Variants in CBARP observed in about 807,000 individuals in gnomAD.
CBARP encodes CACN subunit beta associated regulatory protein.
Under a neutral mutation model 36.3 loss-of-function variants are expected in CBARP, and 24 were observed. The ratio of observed to expected loss-of-function variants is 0.66; its 90% CI spans 0.48 to 0.93. The LOEUF is 0.93. Among genes scored for constraint, CBARP ranks in the 40% least tolerant of loss-of-function variants. CBARP has a pLI of 0.00. For missense variants in CBARP, 1,146 were observed against 980.4 expected, an observed-to-expected ratio of 1.17 and a Z score of -2.26; for synonymous variants, 586 against 453.2, an observed-to-expected ratio of 1.29 and a Z score of -3.72.
In CBARP at chr19:1,234,684, G is replaced by A. The variant is rs1335733800; in HGVS notation, c.514C>T (p.His172Tyr). Residue 172 changes from histidine (H) to tyrosine (Y), a missense_variant, in exon 6 of 10, where the codon CAC (histidine) becomes TAC (tyrosine). His to Tyr is a moderately conservative substitution (Grantham distance 83). Coordinates refer to ENST00000650044, the MANE Select transcript of CBARP (RefSeq NM_001393918.1). Reference protein sequence around the residue: ...HLKNARLTHLHLPPLKIVTIH... With the variant: ...HLKNARLTHLYLPPLKIVTIH... ...GTGACAATCTTGAGGGGCGGCAGGT[G>A]CAGGTGCGTGAGCCGGGCATTCTTC... 7 of 1,612,974 alleles carry A rather than the reference G, an allele frequency of 4.3e-6. No individual in the cohort carries two copies. The highest frequency in any genetic ancestry group is 2.2e-5 in the East Asian group (1 of 44,866).
rs1399680865 is a variant in CBARP at position 1,233,406 on chromosome 19, C to T, written c.979+20G>A. ...ACCCAGCCCACAGGGGCCCACTCTC[C>T]ACCAGGTGCTACAGCTCACCTCTCG... On this transcript the variant is annotated intron_variant, in intron 8 of 9. Coordinates refer to ENST00000650044, the MANE Select transcript of CBARP (RefSeq NM_001393918.1). The T allele has an allele frequency of 6.4e-7, 1 of 1,561,568 alleles. No homozygotes were observed. Among genetic ancestry groups the T allele is most frequent in the Non-Finnish European group, 8.7e-7 (1 of 1,152,050 alleles).
At chr19:1,237,300 G>C (rs1366646916) in intron 1 of CBARP, among the ~76,000 whole-genome samples, 1 of 152,200 alleles carries the variant, frequency 6.6e-6, no homozygotes, top group African/African-American at 2.4e-5. Flanking sequence ...CGCATATGTA[G>C]GTCGGGAAAT....
chr19:1,235,757 AG>A (rs1568746382), intron 3 of CBARP, 21 bp downstream of exon 3: 2 of 1,606,364 alleles, frequency 1.2e-6, no homozygotes, highest in Non-Finnish European at 1.7e-6. Flanking sequence ...GCACCTGCCC[AG>A]CCGAGGTGGG....
In CBARP at chr19:1,236,047, A is replaced by AGTGGTGGTG; in HGVS notation, c.45_53dup (p.Thr16_Thr18dup). On this transcript the variant is annotated inframe_insertion, in exon 2 of 10. Transcript: ENST00000650044. ...ACGACGTCGTCAGGGCTACTGTGGC[A>AGTGGTGGTG]GTGGTGGTGGTGGTGGTGGTGGCGG... The AGTGGTGGTG allele has an allele frequency of 1.3e-6, 2 of 1,492,428 alleles. No homozygotes were observed. The highest frequency in any genetic ancestry group is 9.0e-7 in the Non-Finnish European group (1 of 1,110,122). 92.4% of individuals were successfully genotyped at this position (1,492,428 alleles called of 1,614,324 possible).
chr19:1,230,925 T>G (rs1238986350), intron 9 of CBARP, 176 bp downstream of exon 9: 5 of 1,580,404 alleles, frequency 3.2e-6, no homozygotes, highest in Admixed American at 1.8e-5. Flanking sequence ...CCTCCTCTGG[T>G]CCATGCTGGA....
chr19:1,229,322 C>G lies in CBARP; in HGVS notation c.1975G>C (p.Val659Leu). The part of the protein sequence containing the change: ...GGGCPGSGLC[V>L]LPSGSVLDKL... Reference sequence around the variant, plus strand: ...TCCAGCACCGACCCGGATGGTAGGACGCACAGGCCCGAGCCGGGGCACCCC... The same window carrying G: ...TCCAGCACCGACCCGGATGGTAGGAGGCACAGGCCCGAGCCGGGGCACCCC... Residue 659 changes from valine to leucine, a missense_variant, in exon 10 of 10, where the codon GTC becomes CTC. Transcript: ENST00000650044. The surrounding 1 kb of genome is among the most constrained non-coding windows in gnomAD (Gnocchi z 5.1). The G allele has an allele frequency of 8.0e-7, 1 of 1,244,008 alleles. No individual in the cohort carries two copies. The highest frequency in any genetic ancestry group is 1.0e-6 in the Non-Finnish European group (1 of 970,088). The allele number at this position is 1,244,008 out of a possible 1,614,324, so 77.1% of individuals were successfully genotyped here. A position where few individuals can be genotyped will look rare whatever the true frequency, so the allele number is the denominator to read the frequency against.
intron 9 of CBARP, 51 bp downstream of exon 9, chr19:1,231,050 G>T (rs758353354): frequency 1.3e-6 from 2 of 1,564,824 alleles, no homozygotes; most frequent in Admixed American, 3.6e-5. Context: ...GGGCGAAGGG[G>T]GGCAAGGGCC....
chr19:1,235,200 G>C, intron 4 of CBARP, 55 bp from the exon 5 acceptor site: 1 of 1,435,772 alleles, frequency 7.0e-7, no homozygotes. Context: ...CAGGCGCCTG[G>C]TCCCGGGAGG....
Position 1,229,579 on chromosome 19 carries a change from G to A in CBARP, c.1718C>T (p.Ala573Val). Reference sequence around the variant, plus strand: ...CCACTGTTTGCGGGCGTGCGGGTGCGCGCGGGCGCGGTGTCGCGCGGCAGC... The same window carrying A: ...CCACTGTTTGCGGGCGTGCGGGTGCACGCGGGCGCGGTGTCGCGCGGCAGC... ...TPAAARHRAR[A>V]HPHARKQWQR... Residue 573 changes from alanine to valine, a missense_variant, in exon 10 of 10, where the codon GCG (alanine) becomes GTG (valine). Transcript: ENST00000650044. The surrounding 1 kb of genome is among the most constrained non-coding windows in gnomAD (Gnocchi z 5.1). 8.6e-7 allele frequency: 1 copy of A among 1,157,478 alleles called. No individual in the cohort carries two copies. Among genetic ancestry groups the A allele is most frequent in the Non-Finnish European group, 1.1e-6 (1 of 926,162 alleles). The allele number at this position is 1,157,478 out of a possible 1,614,324, so 71.7% of individuals were successfully genotyped here.
In CBARP at chr19:1,237,850, C is replaced by T; in HGVS notation, c.-116G>A. The T allele has an allele frequency of 6.8e-6, 1 of 147,988 alleles. No homozygotes were observed. Among genetic ancestry groups the T allele is most frequent in the East Asian group, 1.9e-4 (1 of 5,132 alleles). 9.2% of individuals were successfully genotyped at this position (147,988 alleles called of 1,614,324 possible). On this transcript the variant is annotated 5_prime_UTR_variant, in exon 1 of 10. Coordinates refer to ENST00000650044, the MANE Select transcript of CBARP (RefSeq NM_001393918.1). ...GCTCCGGCGCCCGGTGGCCGCGGAG[C>T]AGGCGGAGAATTTATGAATGGAGAG...
chr19:1,234,107 T>A, intron 7 of CBARP, 84 bp downstream of exon 7: 1 of 1,384,670 alleles, frequency 7.2e-7, no homozygotes, highest in Non-Finnish European at 9.4e-7. Flanking sequence ...GGTCATAGGT[T>A]GACCTTGGTC....
In CBARP at chr19:1,229,337, C is replaced by T. The variant is rs1363672121; in HGVS notation, c.1960G>A (p.Gly654Ser). ...EEEPGGGGCP[G>S]SGLCVLPSGS... is the part of the protein sequence containing the mutation. ...GATGGTAGGACGCACAGGCCCGAGC[C>T]GGGGCACCCCCCGCCGCCCGGCTCC... Residue 654 changes from glycine (G) to serine (S), a missense_variant, in exon 10 of 10, where the codon GGC becomes AGC. Transcript: ENST00000650044. The surrounding 1 kb of genome is among the most constrained non-coding windows in gnomAD (Gnocchi z 5.1). 1 of 1,216,614 alleles carries T rather than the reference C, an allele frequency of 8.2e-7. No homozygotes were observed. The highest frequency in any genetic ancestry group is 1.0e-6 in the Non-Finnish European group (1 of 953,804). 75.4% of individuals were successfully genotyped at this position (1,216,614 alleles called of 1,614,324 possible). A position where few individuals can be genotyped will look rare whatever the true frequency, so the allele number is the denominator to read the frequency against.
At chr19:1,231,430 G>A (rs1485363330) in intron 8 of CBARP, among the ~76,000 whole-genome samples, 155 bp from the exon 9 acceptor site, 14 of 98,956 alleles carry the variant, frequency 1.4e-4, no homozygotes, top group Non-Finnish European at 2.1e-4. Context: ...CACACACAAC[G>A]TGTGCCCCCC....
At chr19:1,233,093 C>T (rs770966628) in intron 8 of CBARP, among the ~76,000 whole-genome samples, 9 of 152,336 alleles carry the variant, frequency 5.9e-5, no homozygotes, top group South Asian at 4.1e-4. Context: ...CCACCCTCTG[C>T]GCTCCACAGT....
In CBARP at chr19:1,235,037, A is replaced by G; in HGVS notation, c.419T>C (p.Phe140Ser). 1.2e-6 allele frequency: 2 copies of G among 1,610,724 alleles called. No homozygotes were observed. Among genetic ancestry groups the G allele is most frequent in the Non-Finnish European group, 1.7e-6 (2 of 1,178,784 alleles). Reference protein sequence around the residue: ...RRVSFNEAALFEQSRKTQDKG... With the variant: ...RRVSFNEAALSEQSRKTQDKG... Reference sequence around the variant, plus strand: ...GTCCTGCGTCTTGCGGCTCTGCTCAAACAGCGCCGCCTCATTGAAGGAGAC... The same window carrying G: ...GTCCTGCGTCTTGCGGCTCTGCTCAGACAGCGCCGCCTCATTGAAGGAGAC... Residue 140 changes from phenylalanine (F) to serine (S), a missense_variant, in exon 5 of 10, where the codon TTT (phenylalanine) becomes TCT (serine). By Grantham distance (155) the Phe-to-Ser change is radical. Coordinates refer to ENST00000650044, the MANE Select transcript of CBARP (RefSeq NM_001393918.1).
intron 4 of CBARP, 26 bp downstream of exon 4, chr19:1,235,463 GACAGGCGAGCGC>G: frequency 6.5e-7 from 1 of 1,537,502 alleles, no homozygotes; most frequent in South Asian, 1.2e-5. Context: ...GGGGCGGATG[GACAGGCGAGCGC>G]ACAGCCAGGC....
In CBARP at chr19:1,233,318, G is replaced by C; in HGVS notation, c.979+108C>G. ...GGGCAGGACTCAGCCCCAGAGCACC[G>C]GCTCCCCACCCAGCCCACAACCTCC... On this transcript the variant is annotated intron_variant, in intron 8 of 9. Coordinates refer to ENST00000650044, the MANE Select transcript of CBARP (RefSeq NM_001393918.1). The C allele has an allele frequency of 4.3e-6, 5 of 1,154,706 alleles. No individual in the cohort carries two copies. In the South Asian group the frequency reaches 7.9e-5, roughly 18 times the overall value. 71.5% of individuals were successfully genotyped at this position (1,154,706 alleles called of 1,614,324 possible).
chr19:1,229,126 G>A lies in CBARP; in HGVS notation c.*53C>T, dbSNP rs943672673. On this transcript the variant is annotated 3_prime_UTR_variant, in exon 10 of 10. Transcript: ENST00000650044. This position sits in a 1 kb window ranked among gnomAD's most constrained non-coding sequence, Gnocchi z 5.1. ...CCCCCACGTCTCTCCCGCCGCCGAG[G>A]CCCCGTGCGGCGCCGGAGAAGCTGC... 7.9e-6 allele frequency: 6 copies of A among 762,942 alleles called. No individual in the cohort carries two copies. Among genetic ancestry groups the A allele is most frequent in the Non-Finnish European group, 9.7e-6 (6 of 615,938 alleles). 47.3% of individuals were successfully genotyped at this position (762,942 alleles called of 1,614,324 possible).
chr19:1,236,615 C>G (rs771594400), intron 1 of CBARP, among the ~76,000 whole-genome samples: 1 of 152,008 alleles, frequency 6.6e-6, no homozygotes, highest in African/African-American at 2.4e-5. Context: ...AGAGGGAGAC[C>G]TCCCGCTGCC....
Sources: allele counts gnomAD v4.1 joint callset (sites outside exome capture counted in the v4.1 genomes callset), GRCh38; gene constraint gnomAD v4.1.1; non-coding constraint Gnocchi (gnomAD v3.1); transcripts MANE v1.5; gene names NCBI Gene and HGNC (gene_info 2026-07-23, HGNC 2026-07-21).